RNLS: variants seen among roughly 807,000 people sequenced by gnomAD.
RNLS encodes renalase.
In RNLS, 39 loss-of-function variants were observed where a neutral mutation model predicts 39.8. The ratio of observed to expected loss-of-function variants is 0.98; its 90% CI spans 0.76 to 1.28. The LOEUF (loss-of-function observed/expected upper bound fraction) is 1.28, where lower values mean the gene tolerates loss of function less well. Ranked by LOEUF, RNLS falls within the 50% of genes most tolerant of loss-of-function variation. The pLI is 0.00. For missense variants in RNLS, 410 were observed against 413.3 expected (o/e 0.99, Z 0.07); for synonymous variants, 147 against 150.7 (o/e 0.98, Z 0.18).
the RNLS span, among the ~76,000 whole-genome samples, chr10:88,212,779 G>A: frequency 2.6e-5 from 4 of 152,200 alleles, no homozygotes; most frequent in African/African-American, 9.7e-5. Context: ...TGGAATGACT[G>A]TCGGTTTCCC....
At chr10:88,428,846 A>C (rs1854971429) in intron 4 of RNLS, among the ~76,000 whole-genome samples, 1 of 151,980 alleles carries the variant, frequency 6.6e-6, no homozygotes, top group Admixed American at 6.6e-5. Flanking sequence ...CAGCAGCCTG[A>C]GTACACAGTG....
At chr10:88,236,224 G>A in the RNLS span, among the ~76,000 whole-genome samples, 1 of 152,234 alleles carries the variant, frequency 6.6e-6, no homozygotes, top group Non-Finnish European at 1.5e-5. Flanking sequence ...TAAGAAAGAG[G>A]TGGAGGCTTT....
chr10:88,463,139 A>G (rs1050637782), intron 4 of RNLS, among the ~76,000 whole-genome samples: 1 of 152,026 alleles, frequency 6.6e-6, no homozygotes, highest in African/African-American at 2.4e-5. Context: ...TGAAGTCCTA[A>G]GCCCCAGTAC....
At chr10:88,199,146 G>A in the RNLS span, among the ~76,000 whole-genome samples, 1 of 152,180 alleles carries the variant, frequency 6.6e-6, no homozygotes. Flanking sequence ...GAGAAGAGAA[G>A]TGGTTAGGGG....
At chr10:88,326,035 C>T (rs1290177379) in intron 5 of RNLS, among the ~76,000 whole-genome samples, 1 of 152,170 alleles carries the variant, frequency 6.6e-6, no homozygotes, top group Admixed American at 6.6e-5. Flanking sequence ...GAGGCCTCCC[C>T]AGCCATGCAA....
chr10:88,560,973 CAT>C (rs1448225877), intron 4 of RNLS, among the ~76,000 whole-genome samples: 377 of 141,556 alleles, frequency 2.7e-3, no homozygotes, highest in South Asian at 6.9e-3. Flanking sequence ...CACACACACA[CAT>C]ACACACACAG....
At chr10:88,560,409 C>T (rs550643403) in intron 4 of RNLS, among the ~76,000 whole-genome samples, 4 of 152,062 alleles carry the variant, frequency 2.6e-5, no homozygotes, top group African/African-American at 7.2e-5. Flanking sequence ...ATCTGGGAAA[C>T]GATCAGTCAA....
chr10:88,454,951 G>A (rs1842546766), intron 4 of RNLS, among the ~76,000 whole-genome samples: 1 of 152,030 alleles, frequency 6.6e-6, no homozygotes, highest in African/African-American at 2.4e-5. Flanking sequence ...GCTATTTATT[G>A]AATACTGTTA....
chr10:88,178,831 C>A, the RNLS span, among the ~76,000 whole-genome samples: 1 of 152,176 alleles, frequency 6.6e-6, no homozygotes, highest in African/African-American at 2.4e-5. Context: ...GAAACACATA[C>A]TATCTGGGGC....
chr10:88,374,113 G>C (rs1473251802), intron 4 of RNLS, among the ~76,000 whole-genome samples: 2 of 151,914 alleles, frequency 1.3e-5, no homozygotes, highest in Admixed American at 1.3e-4. Flanking sequence ...TATTGTTATT[G>C]TTGCAGGAAA....
At chr10:88,341,849 G>A (rs1847980944) in intron 5 of RNLS, among the ~76,000 whole-genome samples, 2 of 152,010 alleles carry the variant, frequency 1.3e-5, no homozygotes, top group South Asian at 2.1e-4. Flanking sequence ...TAATCTGTGA[G>A]GTTTATAGTA....
At chr10:88,366,496 A>T (rs1206200884) in intron 4 of RNLS, among the ~76,000 whole-genome samples, 1 of 151,540 alleles carries the variant, frequency 6.6e-6, no homozygotes, top group Non-Finnish European at 1.5e-5. Context: ...ACTCTTAAAT[A>T]AAAATTATGA....
At chr10:88,333,642 G>A (rs908627438) in intron 5 of RNLS, among the ~76,000 whole-genome samples, 9 of 152,024 alleles carry the variant, frequency 5.9e-5, no homozygotes, top group African/African-American at 1.9e-4. Context: ...TTTCCAGTTT[G>A]TTGCTGTTAG....
At chr10:88,275,608 A>G (rs1479932761) in intron 6 of RNLS, among the ~76,000 whole-genome samples, 2 of 152,224 alleles carry the variant, frequency 1.3e-5, no homozygotes, top group African/African-American at 2.4e-5. Flanking sequence ...GTATATCGAC[A>G]TGGAAAAATA....
At chr10:88,190,742 T>C in the RNLS span, among the ~76,000 whole-genome samples, 2 of 152,230 alleles carry the variant, frequency 1.3e-5, no homozygotes, top group African/African-American at 4.8e-5. Flanking sequence ...CCCTTGTTTA[T>C]ACACATCTGT....
At chr10:88,352,005 G>C (rs924670389) in intron 5 of RNLS, among the ~76,000 whole-genome samples, 3 of 152,110 alleles carry the variant, frequency 2.0e-5, no homozygotes, top group African/African-American at 7.2e-5. Flanking sequence ...CTCTCTGTCT[G>C]TTATTGGTGT....
At chr10:88,379,115 G>A (rs570089019) in intron 4 of RNLS, among the ~76,000 whole-genome samples, 6 of 152,284 alleles carry the variant, frequency 3.9e-5, no homozygotes, top group African/African-American at 7.2e-5. Flanking sequence ...ACAACATCAC[G>A]AGGTCATAGG....
At chr10:88,245,835 G>C in the RNLS span, among the ~76,000 whole-genome samples, 1 of 152,090 alleles carries the variant, frequency 6.6e-6, no homozygotes, top group Non-Finnish European at 1.5e-5. Context: ...CAAAACCGAA[G>C]GCTTGATTCC....
At chr10:88,224,382 G>A in the RNLS span, among the ~76,000 whole-genome samples, 56 of 152,284 alleles carry the variant, frequency 3.7e-4, no homozygotes, top group African/African-American at 9.1e-4. Context: ...TTTGGAGGAC[G>A]CATTCAGATC....
Sources: gnomAD v4.1 joint callset for allele counts (sites outside exome capture counted in the v4.1 genomes callset) on GRCh38, gnomAD v4.1.1 for gene constraint, MANE v1.5 for transcripts, NCBI Gene and HGNC (gene_info 2026-07-23, HGNC 2026-07-21) for gene names.